PMS1: variants seen among roughly 807,000 people sequenced by gnomAD.
The protein encoded by PMS1 is PMS1 homolog 1, mismatch repair system component, also known as PMS1 protein homolog 1.
PMS1 carries 79 observed loss-of-function variants against 93.1 expected under a neutral mutation model. That is an observed-to-expected ratio of 0.85 (90% CI 0.71 to 1.02). The LOEUF (loss-of-function observed/expected upper bound fraction) is 1.02. Ranked by LOEUF, PMS1 falls within the 50% of genes least tolerant of loss-of-function variation. PMS1 has a pLI of 0.00. For missense variants in PMS1, 1,064 were observed against 1,085.3 expected (o/e 0.98, Z 0.28); for synonymous variants, 335 against 363.4 (o/e 0.92, Z 0.89).
At chr2:189,818,820 A>G (rs1466371835) in intron 5 of PMS1, among the ~76,000 whole-genome samples, 1 of 152,218 alleles carries the variant, frequency 6.6e-6, no homozygotes, top group African/African-American at 2.4e-5. Flanking sequence ...TTCTCAAAAT[A>G]TGAAAATGAG....
At chr2:189,864,724 ATATATATATATG>A (rs1408688794) in intron 10 of PMS1, among the ~76,000 whole-genome samples, 3 of 96,018 alleles carry the variant, frequency 3.1e-5, no homozygotes, top group Non-Finnish European at 6.0e-5. Flanking sequence ...ATATATATAT[ATATATATATATG>A]ATTTCTAATC....
intron 9 of PMS1, among the ~76,000 whole-genome samples, chr2:189,860,947 T>C (rs996511642): frequency 5.9e-5 from 9 of 151,544 alleles, no homozygotes; most frequent in African/African-American, 2.2e-4. Flanking sequence ...TTTTCAGTCT[T>C]TTAGACTATC....
chr2:189,839,856 T>G (rs2053676956), intron 5 of PMS1, among the ~76,000 whole-genome samples: 1 of 152,190 alleles, frequency 6.6e-6, no homozygotes, highest in Non-Finnish European at 1.5e-5. Context: ...TCAAAATTAG[T>G]TACTTTAAAA....
intron 5 of PMS1, among the ~76,000 whole-genome samples, chr2:189,834,127 A>G (rs1281877648): frequency 6.6e-6 from 1 of 152,240 alleles, no homozygotes; most frequent in African/African-American, 2.4e-5. Flanking sequence ...AGTACTCAGT[A>G]GAGGTTAATT....
intron 5 of PMS1, among the ~76,000 whole-genome samples, chr2:189,831,533 AT>A (rs1274090266): frequency 6.6e-6 from 1 of 152,218 alleles, no homozygotes; most frequent in African/African-American, 2.4e-5. Context: ...TAACTGATTT[AT>A]TTAACTTATA....
intron 3 of PMS1, among the ~76,000 whole-genome samples, chr2:189,802,651 G>T (rs959626005): frequency 6.6e-6 from 1 of 152,172 alleles, no homozygotes. Flanking sequence ...AGAATGAGAA[G>T]CTGAGTCATT....
intron 4 of PMS1, among the ~76,000 whole-genome samples, chr2:189,810,310 T>C (rs1193055156): frequency 2.0e-5 from 3 of 152,212 alleles, no homozygotes; most frequent in East Asian, 3.8e-4. Flanking sequence ...TAAAAACTTG[T>C]AGTCTTTAAA....
intron 4 of PMS1, among the ~76,000 whole-genome samples, chr2:189,815,280 G>A (rs796172596): frequency 5.3e-5 from 8 of 152,236 alleles, no homozygotes; most frequent in African/African-American, 1.7e-4. Flanking sequence ...GTAGGACAGT[G>A]TAAGCTTTAA....
Position 189,877,480 on chromosome 2 carries a change from G to C in PMS1, c.*44G>C. ...ATTAGTTACCATTGAAATTGGTTCT[G>C]TCATAAAACAGCATGAGTCTGGTTT... is the stretch of plus-strand genomic sequence containing the variant. On this transcript the variant is annotated 3_prime_UTR_variant, in exon 13 of 13. Coordinates refer to ENST00000441310, the MANE Select transcript of PMS1 (RefSeq NM_000534.5). 7.5e-6 allele frequency: 10 copies of C among 1,332,050 alleles called. No homozygotes were observed. Among genetic ancestry groups the C allele is most frequent in the Non-Finnish European group, 1.1e-5 (10 of 927,200 alleles). The allele number at this position is 1,332,050 out of a possible 1,614,324, so 82.5% of individuals were successfully genotyped here.
intron 5 of PMS1, among the ~76,000 whole-genome samples, chr2:189,837,003 T>C (rs141989314): frequency 1.5e-3 from 226 of 152,318 alleles, no homozygotes; most frequent in African/African-American, 5.4e-3. Flanking sequence ...CAAGATGATG[T>C]TTACATTAGT....
chr2:189,842,175 C>G (rs182528778), intron 5 of PMS1, among the ~76,000 whole-genome samples: 2 of 152,034 alleles, frequency 1.3e-5, no homozygotes, highest in African/African-American at 4.8e-5. Flanking sequence ...TTTAGCCAGC[C>G]ACGTCTGTTC....
chr2:189,791,630 A>G (rs2048879493), intron 1 of PMS1, 160 bp from the exon 2 acceptor site: 2 of 557,588 alleles, frequency 3.6e-6, no homozygotes, highest in Non-Finnish European at 6.4e-6. Context: ...AAAAAAAAAG[A>G]AGAAATAGAA....
At chr2:189,788,968 G>A (rs1028132587) in intron 1 of PMS1, among the ~76,000 whole-genome samples, 1 of 152,162 alleles carries the variant, frequency 6.6e-6, no homozygotes. Flanking sequence ...TTATGATGAT[G>A]GAGTAGCCTA....
chr2:189,819,348 T>G (rs1293506283), intron 5 of PMS1, among the ~76,000 whole-genome samples: 26 of 152,226 alleles, frequency 1.7e-4, no homozygotes, highest in Admixed American at 1.7e-3. Flanking sequence ...GATAAACATA[T>G]GAGCACAGGC....
chr2:189,825,571 A>C (rs372775078), intron 5 of PMS1, among the ~76,000 whole-genome samples: 3 of 152,124 alleles, frequency 2.0e-5, no homozygotes, highest in African/African-American at 7.2e-5. Flanking sequence ...AATAAGGGCT[A>C]CTCCTATATA....
chr2:189,820,560 C>A (rs1266402560), intron 5 of PMS1, among the ~76,000 whole-genome samples: 5 of 152,128 alleles, frequency 3.3e-5, no homozygotes, highest in Admixed American at 3.3e-4. Flanking sequence ...CCTCTTCAAG[C>A]AATACACGCT....
At chr2:189,806,082 CAT>C (rs76263972) in intron 4 of PMS1, 103,932 of 517,402 alleles carry the variant, frequency 0.2, 11,135 homozygotes, top group African/African-American at 0.29. Flanking sequence ...TTTATTGAAA[CAT>C]ATAAAACATA....
At chr2:189,821,657 A>G (rs2051898172) in intron 5 of PMS1, among the ~76,000 whole-genome samples, 1 of 151,940 alleles carries the variant, frequency 6.6e-6, no homozygotes, top group African/African-American at 2.4e-5. Flanking sequence ...AAAAGTACAA[A>G]AATTAGACGG....
chr2:189,872,112 C>T (rs1183502452), intron 11 of PMS1, among the ~76,000 whole-genome samples: 1 of 152,120 alleles, frequency 6.6e-6, no homozygotes, highest in African/African-American at 2.4e-5. Context: ...GGTCACATTT[C>T]AACATTAGAT....
Sources: allele counts gnomAD v4.1 joint callset (sites outside exome capture counted in the v4.1 genomes callset), GRCh38; gene constraint gnomAD v4.1.1; transcripts MANE v1.5; gene names NCBI Gene and HGNC (gene_info 2026-07-23, HGNC 2026-07-21).